LRRC4C: variants seen among roughly 807,000 people sequenced by gnomAD.
The protein encoded by LRRC4C is leucine rich repeat containing 4C.
Under a neutral mutation model 33.6 loss-of-function variants are expected in LRRC4C, and 5 were observed. The ratio of observed to expected loss-of-function variants is 0.15; its 90% confidence interval spans 0.08 to 0.31. LRRC4C has a LOEUF of 0.31. Among genes scored for constraint, LRRC4C ranks in the 10% least tolerant of loss-of-function variants. The probability of loss-of-function intolerance (pLI) is 1.00; values close to 1 mark genes in which losing one functional copy is unlikely to be tolerated. For missense variants in LRRC4C, 560 were observed against 796.7 expected (o/e 0.70, Z 3.58); for synonymous variants, 329 against 302.0 (o/e 1.09, Z -0.93).
intron 1 of LRRC4C, among the ~76,000 whole-genome samples, chr11:41,306,000 GGGCCC>G (rs1181487646): frequency 1.5e-3 from 223 of 147,140 alleles, no homozygotes; most frequent in African/African-American, 5.4e-3. Flanking sequence ...CTGGCCCCCT[GGGCCC>G]CCTTATTTCT....
At chr11:40,521,955 CA>C (rs1387813484) in intron 3 of LRRC4C, among the ~76,000 whole-genome samples, 1 of 152,056 alleles carries the variant, frequency 6.6e-6, no homozygotes, top group Non-Finnish European at 1.5e-5. Flanking sequence ...TTATGGTAAA[CA>C]TTTGCAGGAA....
chr11:41,086,075 A>C (rs1205312712), intron 1 of LRRC4C, among the ~76,000 whole-genome samples: 1 of 152,106 alleles, frequency 6.6e-6, no homozygotes, highest in Non-Finnish European at 1.5e-5. Flanking sequence ...CCCAATCTGA[A>C]TCCTAGTGTA....
chr11:40,393,779 C>G (rs1199369261), intron 3 of LRRC4C, among the ~76,000 whole-genome samples: 1 of 152,072 alleles, frequency 6.6e-6, no homozygotes, highest in East Asian at 1.9e-4. Flanking sequence ...TACATGACAT[C>G]AGGGCTATGC....
chr11:40,192,676 G>A (rs959319493), intron 5 of LRRC4C, among the ~76,000 whole-genome samples: 2 of 152,150 alleles, frequency 1.3e-5, no homozygotes, highest in Non-Finnish European at 2.9e-5. Context: ...CCACTCCCAT[G>A]GAGCCCAACA....
chr11:40,819,228 T>C (rs1346333483), intron 2 of LRRC4C, among the ~76,000 whole-genome samples: 1 of 151,896 alleles, frequency 6.6e-6, no homozygotes, highest in Non-Finnish European at 1.5e-5. Context: ...ATAGGCAAAA[T>C]ACCTTCTGCA....
rs1263265878 is a variant in LRRC4C at position 41,015,375 on chromosome 11, C to T, written c.-495-81652G>A. On this transcript the variant is annotated intron_variant, in intron 1 of 6. Transcript: ENST00000528697. ...ACAGGGTCTTGCTCTGTTGCCCAGG[C>T]TGGAGTGTGGTGGCACAGTCTTAGC... is the stretch of plus-strand genomic sequence containing the variant. 2.6e-5 allele frequency among the ~76,000 whole-genome samples: 4 copies of T among 152,182 alleles called. No individual in the cohort carries two copies. In the East Asian group the frequency reaches 7.8e-4, roughly 30 times the overall value.
intron 3 of LRRC4C, among the ~76,000 whole-genome samples, chr11:40,518,946 G>A (rs905039452): frequency 1.3e-5 from 2 of 152,080 alleles, no homozygotes; most frequent in Admixed American, 1.3e-4. Flanking sequence ...CCTTTGCAGG[G>A]ACATGAAGCT....
In LRRC4C at chr11:40,399,593, T is replaced by C. The variant is rs539114162; in HGVS notation, c.-269-79872A>G. ...GATATACCTAATGCTAAATGACGAG[T>C]TAATGGGTGCAGCACACCAGCATGG... On this transcript the variant is annotated intron_variant, in intron 3 of 6. Transcript: ENST00000528697. 1.5e-4 allele frequency among the ~76,000 whole-genome samples: 22 copies of C among 151,522 alleles called. No individual in the cohort carries two copies. The South Asian group carries it at 4.4e-3, about 30-fold the overall frequency.
Position 41,021,666 on chromosome 11 carries a change from C to T in LRRC4C, c.-495-87943G>A, listed in dbSNP as rs186983880. On this transcript the variant is annotated intron_variant, in intron 1 of 6. Coordinates refer to ENST00000528697, the MANE Select transcript of LRRC4C (RefSeq NM_001258419.2). The stretch of plus-strand genomic sequence containing the variant: ...TATGCTAATACTATGGTTCAGATAA[C>T]GAAAGAAAAATCTCCAAATTGTATC... Among the ~76,000 whole-genome samples the T allele has an allele frequency of 3.9e-5, 6 of 152,050 alleles. No individual in the cohort carries two copies. The South Asian group carries it at 6.2e-4, about 16-fold the overall frequency.
At chr11:40,264,468 A>G (rs1459998496) in intron 4 of LRRC4C, among the ~76,000 whole-genome samples, 1 of 152,218 alleles carries the variant, frequency 6.6e-6, no homozygotes, top group Non-Finnish European at 1.5e-5. Context: ...CCCAAAAAAC[A>G]CAGCACAGTG....
intron 1 of LRRC4C, among the ~76,000 whole-genome samples, chr11:41,207,319 C>G (rs1946641421): frequency 6.6e-6 from 1 of 151,880 alleles, no homozygotes; most frequent in Non-Finnish European, 1.5e-5. Flanking sequence ...TCTCCCTCTC[C>G]CCTTAGTCAT....
chr11:41,128,850 A>C (rs746200416), intron 1 of LRRC4C, among the ~76,000 whole-genome samples: 41 of 152,042 alleles, frequency 2.7e-4, no homozygotes, highest in Admixed American at 1.2e-3. Context: ...TCCTGTGAGG[A>C]TATAACTTCA....
rs546151589 is a variant in LRRC4C at position 41,308,297 on chromosome 11, G to T, written c.-496+151134C>A. 3.3e-5 allele frequency among the ~76,000 whole-genome samples: 5 copies of T among 149,340 alleles called. No individual in the cohort carries two copies. The East Asian group carries it at 7.7e-4, about 23-fold the overall frequency. On this transcript the variant is annotated intron_variant, in intron 1 of 6. Transcript: ENST00000528697. The stretch of plus-strand genomic sequence containing the variant: ...CATTCTGGGGGCTTATGAATACCTG[G>T]TGAAAGATTTTTTTTTGCAACAGCG...
chr11:40,502,163 T>C (rs57557994), intron 3 of LRRC4C, among the ~76,000 whole-genome samples: 4,034 of 152,272 alleles, frequency 0.026, 181 homozygotes, highest in African/African-American at 0.092. Flanking sequence ...TGGACTTTAT[T>C]GTCTGTATCA....
intron 4 of LRRC4C, among the ~76,000 whole-genome samples, chr11:40,308,318 G>A (rs972393338): frequency 6.6e-6 from 1 of 152,150 alleles, no homozygotes; most frequent in Non-Finnish European, 1.5e-5. Flanking sequence ...AAGAGAAACT[G>A]ATCTTCAATT....
chr11:40,477,834 C>T (rs1168626223), intron 3 of LRRC4C, among the ~76,000 whole-genome samples: 1 of 151,996 alleles, frequency 6.6e-6, no homozygotes, highest in African/African-American at 2.4e-5. Flanking sequence ...GCTCTGTGTC[C>T]CCACCCAAAT....
At chr11:40,850,201 G>C (rs1953412443) in intron 2 of LRRC4C, among the ~76,000 whole-genome samples, 1 of 151,888 alleles carries the variant, frequency 6.6e-6, no homozygotes, top group Admixed American at 6.6e-5. Flanking sequence ...ATCCTTTGGA[G>C]GAGAAGGGGC....
intron 1 of LRRC4C, among the ~76,000 whole-genome samples, chr11:41,308,953 C>T (rs968761503): frequency 2.6e-5 from 4 of 152,054 alleles, no homozygotes; most frequent in Non-Finnish European, 4.4e-5. Context: ...TACAGGCATG[C>T]GTCAACACGC....
chr11:41,328,520 C>G (rs1379233786), intron 1 of LRRC4C, among the ~76,000 whole-genome samples: 1 of 152,148 alleles, frequency 6.6e-6, no homozygotes, highest in Non-Finnish European at 1.5e-5. Context: ...GCCAACACTG[C>G]TCTGTCAACA....
Sources: gnomAD v4.1 joint callset for allele counts (sites outside exome capture counted in the v4.1 genomes callset) on GRCh38, gnomAD v4.1.1 for gene constraint, MANE v1.5 for transcripts, NCBI Gene and HGNC (gene_info 2026-07-23, HGNC 2026-07-21) for gene names.